Variants in PUS7L observed in about 807,000 individuals in gnomAD.
PUS7L encodes pseudouridylate synthase PUS7L.
Under a neutral mutation model 51.1 loss-of-function variants are expected in PUS7L, and 49 were observed. That is an observed-to-expected ratio of 0.96 (90% confidence interval 0.76 to 1.22). PUS7L has a LOEUF of 1.22. PUS7L is among the 50% of genes most tolerant of loss of function. PUS7L has a pLI of 0.00. For missense variants in PUS7L, 828 were observed against 820.6 expected (o/e 1.01, Z -0.11); for synonymous variants, 277 against 276.2 (o/e 1.00, Z -0.03).
In PUS7L at chr12:43,730,710, A is replaced by G. The variant is rs777530764; in HGVS notation, c.1780-8T>C. 8 of 1,563,774 alleles carry G rather than the reference A, an allele frequency of 5.1e-6. No individual in the cohort carries two copies. The South Asian group carries it at 9.1e-5, about 18-fold the overall frequency. Reference sequence around the variant, plus strand: ...AAGTACTGGAAGAACCACCTGTGAAAGAAAAGAGGGAAAAAATATGAAAAT... The same window carrying G: ...AAGTACTGGAAGAACCACCTGTGAAGGAAAAGAGGGAAAAAATATGAAAAT... On this transcript the variant is annotated splice_polypyrimidine_tract_variant and splice_region_variant and intron_variant, in intron 8 of 8. Transcript: ENST00000344862.
At chr12:43,756,096 C>T (rs1938688050) in intron 1 of PUS7L, among the ~76,000 whole-genome samples, 1 of 152,206 alleles carries the variant, frequency 6.6e-6, no homozygotes, top group Admixed American at 6.5e-5. Flanking sequence ...TCTGGACCAT[C>T]ATCTCATACC....
In PUS7L at chr12:43,730,438, C is replaced by T. The variant is rs143864622; in HGVS notation, c.2044G>A (p.Asp682Asn). ...GTAGCATAGCATGAAGCATCAAGAT[C>T]AAAAGAGATCAAAAGAGACAAAGCT... Reference protein sequence around the residue: ...ETALSLLISFDLDASCYATVC... With the variant: ...ETALSLLISFNLDASCYATVC... Residue 682 changes from aspartate (D) to asparagine (N), a missense_variant, in exon 9 of 9, where the codon GAT becomes AAT. Coordinates refer to ENST00000344862, the MANE Select transcript of PUS7L (RefSeq NM_031292.5). 9.9e-4 allele frequency: 1,597 copies of T among 1,613,678 alleles called. 1 individual carries two copies. The highest frequency in any genetic ancestry group is 1.3e-3 in the Admixed American group (78 of 59,958).
intron 1 of PUS7L, chr12:43,758,305 C>G: frequency 5.1e-6 from 5 of 985,392 alleles, no homozygotes; most frequent in Non-Finnish European, 6.0e-6. Flanking sequence ...AGCAAAGGAG[C>G]CCACGTGGCG....
intron 5 of PUS7L, chr12:43,739,767 T>C (rs1937803129): frequency 6.6e-6 from 1 of 152,096 alleles, no homozygotes; most frequent in African/African-American, 2.4e-5. Context: ...AAGATGGTTC[T>C]CCCTTAAAAC....
At position 43,758,752 on chromosome 12, in the gene PUS7L, A is replaced by C; in HGVS notation, c.-39T>G. On this transcript the variant is annotated 5_prime_UTR_variant, in exon 1 of 9. It removes an upstream start codon present in the reference 5' UTR. Coordinates refer to ENST00000344862, the MANE Select transcript of PUS7L (RefSeq NM_031292.5). The stretch of plus-strand genomic sequence containing the variant: ...TACCTCGGTTCAGTGGAAGGCATTC[A>C]TTTGCACAACGCTGTGCGCATGCCC... 1 of 977,382 alleles carries C rather than the reference A, an allele frequency of 1.0e-6. No homozygotes were observed. 60.5% of individuals were successfully genotyped at this position (977,382 alleles called of 1,614,324 possible).
At chr12:43,741,518 C>T (rs1032561673) in intron 5 of PUS7L, among the ~76,000 whole-genome samples, 11 of 152,188 alleles carry the variant, frequency 7.2e-5, no homozygotes, top group Non-Finnish European at 8.8e-5. Flanking sequence ...ATCCAACAGG[C>T]CCCAAACTAT....
chr12:43,744,312 G>T (rs1351782161), intron 4 of PUS7L, among the ~76,000 whole-genome samples: 2 of 152,154 alleles, frequency 1.3e-5, no homozygotes, highest in Non-Finnish European at 1.5e-5. Flanking sequence ...GAAGGACCCG[G>T]TGGGAAGTAA....
Position 43,755,115 on chromosome 12 carries a change from T to C in PUS7L, c.131A>G (p.Gln44Arg), listed in dbSNP as rs746193965. 2.5e-6 allele frequency: 4 copies of C among 1,613,730 alleles called. No individual in the cohort carries two copies. The highest frequency in any genetic ancestry group is 3.4e-6 in the Non-Finnish European group (4 of 1,179,732). ...FIVIEIDEQG[Q>R]LVNKTIDEPI... ...CTCATCGATGGTCTTATTAACTAAC[T>C]GTCCCTGTTCATCAATTTCAATAAC... The change falls in exon 2 of 9, where the codon CAG becomes CGG. Residue 44 changes from glutamine to arginine, a missense_variant. Transcript: ENST00000344862.
intron 1 of PUS7L, 78 bp downstream of exon 1, chr12:43,758,652 T>TGGGGGGGGGGGGGGGGGGGGGG: frequency 1.4e-6 from 1 of 708,238 alleles, no homozygotes; most frequent in Non-Finnish European, 1.6e-6. Flanking sequence ...GCCAACCTCG[T>TGGGGGGGGGGGGGGGGGGGGGG]CACCCCCCCC....
At chr12:43,744,652 G>T (rs577984105) in intron 4 of PUS7L, among the ~76,000 whole-genome samples, 10 of 152,292 alleles carry the variant, frequency 6.6e-5, no homozygotes, top group African/African-American at 2.4e-4. Flanking sequence ...ACAGATGAAA[G>T]TGCTGGATTT....
intron 2 of PUS7L, among the ~76,000 whole-genome samples, chr12:43,752,641 A>C (rs117538777): frequency 0.024 from 3,660 of 152,340 alleles, 64 homozygotes; most frequent in South Asian, 0.04. Flanking sequence ...AAAAAGACAA[A>C]TACTGTATGA....
intron 7 of PUS7L, among the ~76,000 whole-genome samples, chr12:43,732,633 A>G (rs554792347): frequency 6.6e-6 from 1 of 152,312 alleles, no homozygotes; most frequent in Non-Finnish European, 1.5e-5. Flanking sequence ...AAGCTCAAAC[A>G]GAAAGGCAGC....
At chr12:43,756,548 G>A (rs1163699113) in intron 1 of PUS7L, among the ~76,000 whole-genome samples, 2 of 152,114 alleles carry the variant, frequency 1.3e-5, no homozygotes, top group African/African-American at 4.8e-5. Flanking sequence ...ACTGATCTCT[G>A]GCTCACTACC....
chr12:43,720,953 A>T lies in PUS7L; in HGVS notation c.*9423T>A, dbSNP rs1755285618. On this transcript the variant is annotated 3_prime_UTR_variant, in exon 9 of 9. Transcript: ENST00000344862. ...TCATCTATAAAATGAAAATAATAAC[A>T]GTACTTATCCCACATGTAAGTACTT... The T allele has an allele frequency of 6.6e-6, 1 of 152,226 alleles. No individual in the cohort carries two copies. Among genetic ancestry groups the T allele is most frequent in the African/African-American group, 2.4e-5 (1 of 41,462 alleles). The allele number at this position is 152,226 out of a possible 1,614,324, so 9.4% of individuals were successfully genotyped here. A position where few individuals can be genotyped will look rare whatever the true frequency, so the allele number is the denominator to read the frequency against.
chr12:43,755,609 T>C (rs1225631802), intron 1 of PUS7L, among the ~76,000 whole-genome samples: 1 of 152,170 alleles, frequency 6.6e-6, no homozygotes, highest in Non-Finnish European at 1.5e-5. Flanking sequence ...CACAGGACTA[T>C]AAAACAAAGA....
chr12:43,723,542 T>A lies in PUS7L; in HGVS notation c.*6834A>T, dbSNP rs189257927. 6.6e-6 allele frequency: 1 copy of A among 152,230 alleles called. No individual in the cohort carries two copies. Among genetic ancestry groups the A allele is most frequent in the African/African-American group, 2.4e-5 (1 of 41,572 alleles). The allele number at this position is 152,230 out of a possible 1,614,324, so 9.4% of individuals were successfully genotyped here. Reference sequence around the variant, plus strand: ...TGCTGCTTGTTTTTCTCTTTACCATTTAGTCTGCATATTCCACTTGCAAGT... The same window carrying A: ...TGCTGCTTGTTTTTCTCTTTACCATATAGTCTGCATATTCCACTTGCAAGT... On this transcript the variant is annotated 3_prime_UTR_variant, in exon 9 of 9. Transcript: ENST00000344862.
intron 5 of PUS7L, among the ~76,000 whole-genome samples, chr12:43,740,463 A>C (rs1005813218): frequency 1.3e-5 from 2 of 152,190 alleles, no homozygotes; most frequent in African/African-American, 4.8e-5. Context: ...AATATAATAA[A>C]ACTTAAGATG....
At chr12:43,736,927 A>T (rs1458263202) in intron 6 of PUS7L, among the ~76,000 whole-genome samples, 1 of 152,202 alleles carries the variant, frequency 6.6e-6, no homozygotes, top group Non-Finnish European at 1.5e-5. Flanking sequence ...CTTACTTCAG[A>T]ATAGAGATAA....
Position 43,722,205 on chromosome 12 carries a change from G to C in PUS7L, c.*8171C>G, listed in dbSNP as rs1302704607. The stretch of plus-strand genomic sequence containing the variant: ...GACAGAAGCCACTTGAAGATTTGGG[G>C]CCATACTTGCAGGTGTAAATGTGTT... On this transcript the variant is annotated 3_prime_UTR_variant, in exon 9 of 9. Transcript: ENST00000344862. 1 of 152,130 alleles carries C rather than the reference G, an allele frequency of 6.6e-6. No homozygotes were observed. Among genetic ancestry groups the C allele is most frequent in the Admixed American group, 6.6e-5 (1 of 15,254 alleles). The allele number at this position is 152,130 out of a possible 1,614,324, so 9.4% of individuals were successfully genotyped here. A position where few individuals can be genotyped will look rare whatever the true frequency, so the allele number is the denominator to read the frequency against.
Sources: gnomAD v4.1 joint callset for allele counts (sites outside exome capture counted in the v4.1 genomes callset) on GRCh38, gnomAD v4.1.1 for gene constraint, MANE v1.5 for transcripts, NCBI Gene and HGNC (gene_info 2026-07-23, HGNC 2026-07-21) for gene names.